The following RIMBP2 variants were observed in gnomAD, a reference collection of about 807,000 sequenced individuals.
The protein encoded by RIMBP2 is RIMS-binding protein 2.
RIMBP2 carries 48 observed loss-of-function variants against 118.6 expected under a neutral mutation model. The ratio of observed to expected loss-of-function variants is 0.40; its 90% CI spans 0.32 to 0.51. RIMBP2 has a LOEUF of 0.51. Among genes scored for constraint, RIMBP2 ranks in the 20% least tolerant of loss-of-function variants. The pLI is 0.41. For synonymous variants in RIMBP2, 762 were observed against 742.9 expected (o/e 1.03, Z -0.42); for missense variants, 1,551 against 1,768.3 (o/e 0.88, Z 2.20).
intron 2 of RIMBP2, among the ~76,000 whole-genome samples, chr12:130,543,207 C>T (rs1184583747): frequency 6.6e-6 from 1 of 152,206 alleles, no homozygotes; most frequent in Non-Finnish European, 1.5e-5. Context: ...CCCTTGTCAA[C>T]ATCAGCATTA....
At chr12:130,707,777 G>A (rs1341029734) in intron 1 of RIMBP2, among the ~76,000 whole-genome samples, 3 of 152,110 alleles carry the variant, frequency 2.0e-5, no homozygotes, top group African/African-American at 4.8e-5. Context: ...GGACCGAGGC[G>A]GCCCGAGCAA....
chr12:130,665,915 G>A (rs986959586), intron 1 of RIMBP2, among the ~76,000 whole-genome samples: 1 of 152,142 alleles, frequency 6.6e-6, no homozygotes, highest in Non-Finnish European at 1.5e-5. Flanking sequence ...GCTGGGGCAC[G>A]TATGGGGTGA....
At chr12:130,649,701 G>C (rs1391941301) in intron 1 of RIMBP2, among the ~76,000 whole-genome samples, 1 of 152,098 alleles carries the variant, frequency 6.6e-6, no homozygotes, top group Non-Finnish European at 1.5e-5. Context: ...CCCACTTTCA[G>C]CCCTGGAGAT....
At chr12:130,685,850 C>T (rs543732568) in intron 1 of RIMBP2, among the ~76,000 whole-genome samples, 12 of 152,314 alleles carry the variant, frequency 7.9e-5, no homozygotes, top group Middle Eastern at 3.4e-3. Flanking sequence ...ATGAGCTGAA[C>T]TGCGTGTCCG....
intron 2 of RIMBP2, among the ~76,000 whole-genome samples, chr12:130,579,566 C>T (rs2058323682): frequency 6.6e-6 from 1 of 152,138 alleles, no homozygotes. Context: ...CAGAGTAAAA[C>T]CCTCATAGCT....
intron 21 of RIMBP2, among the ~76,000 whole-genome samples, chr12:130,401,397 G>A (rs551248235): frequency 1.3e-5 from 2 of 152,190 alleles, no homozygotes; most frequent in African/African-American, 4.8e-5. Flanking sequence ...ATTACAGGCT[G>A]AGGCACTATA....
rs552457900 is a variant in RIMBP2 at position 130,668,254 on chromosome 12, T to C, written c.-351-39798A>G. The C allele has an allele frequency of 8.7e-4, 133 of 152,254 alleles. 1 individual carries two copies. The highest frequency in any genetic ancestry group is 3.0e-3 in the African/African-American group (126 of 41,540). The allele number at this position is 152,254 out of a possible 1,614,324, so 9.4% of individuals were successfully genotyped here. A position where few individuals can be genotyped will look rare whatever the true frequency, so the allele number is the denominator to read the frequency against. ...TGACGGTAAGAACACTCGATAACAT[T>C]TTAGTGCTTCCAACATACGGGGTCC... On this transcript the variant is annotated intron_variant, in intron 1 of 22. Coordinates refer to ENST00000690449, the MANE Select transcript of RIMBP2 (RefSeq NM_001393629.1).
chr12:130,400,632 CAT>C (rs1198923274), intron 21 of RIMBP2, among the ~76,000 whole-genome samples: 1 of 152,118 alleles, frequency 6.6e-6, no homozygotes, highest in East Asian at 1.9e-4. Flanking sequence ...TAGGAAATGA[CAT>C]AAAGAGCCTA....
chr12:130,637,291 C>A (rs1485530028), intron 1 of RIMBP2, among the ~76,000 whole-genome samples: 1 of 152,164 alleles, frequency 6.6e-6, no homozygotes, highest in African/African-American at 2.4e-5. Context: ...AATGGGAGGC[C>A]TCTGGGAGTA....
intron 4 of RIMBP2, among the ~76,000 whole-genome samples, chr12:130,484,092 C>T (rs1432647138): frequency 1.3e-5 from 2 of 152,200 alleles, no homozygotes; most frequent in Admixed American, 6.5e-5. Context: ...CAGAGTCTGC[C>T]GGCGACTGTC....
intron 1 of RIMBP2, among the ~76,000 whole-genome samples, chr12:130,664,031 T>TAA (rs113571415): frequency 6.6e-6 from 1 of 150,754 alleles, no homozygotes; most frequent in Non-Finnish European, 1.5e-5. Flanking sequence ...GGGTTTTTTT[T>TAA]AAAAAATCTA....
At chr12:130,704,205 C>A (rs1484772360) in intron 1 of RIMBP2, among the ~76,000 whole-genome samples, 1 of 152,012 alleles carries the variant, frequency 6.6e-6, no homozygotes, top group South Asian at 2.1e-4. Flanking sequence ...AGGGAGGGTG[C>A]TCTGTGGGCC....
At chr12:130,591,902 T>C (rs1220054039) in intron 2 of RIMBP2, among the ~76,000 whole-genome samples, 3 of 152,224 alleles carry the variant, frequency 2.0e-5, no homozygotes, top group African/African-American at 4.8e-5. Flanking sequence ...ACTGTGCATT[T>C]GCATCTTATC....
At chr12:130,714,844 G>A (rs1004846778) in intron 1 of RIMBP2, among the ~76,000 whole-genome samples, 1 of 152,212 alleles carries the variant, frequency 6.6e-6, no homozygotes, top group Admixed American at 6.5e-5. Flanking sequence ...CCCAGCGGGG[G>A]ATGAGTCTGA....
rs942163389 is a variant in RIMBP2, at chr12:130,469,723, C to T, written c.153+970G>A. On this transcript the variant is annotated intron_variant, in intron 6 of 22. Transcript: ENST00000690449. The surrounding 1 kb of genome is among the most constrained non-coding windows in gnomAD (Gnocchi z 4.8). ...GATGCACATAGCCCGTTTTAAGTGG[C>T]TGCTGCTCCCCCAGGGACACAGGAC... 1.3e-5 allele frequency among the ~76,000 whole-genome samples: 2 copies of T among 152,186 alleles called. No homozygotes were observed. The highest frequency in any genetic ancestry group is 4.8e-5 in the African/African-American group (2 of 41,440).
At chr12:130,592,898 G>A (rs1473612621) in intron 2 of RIMBP2, among the ~76,000 whole-genome samples, 3 of 152,250 alleles carry the variant, frequency 2.0e-5, no homozygotes, top group Middle Eastern at 3.4e-3. Context: ...CGGTGAGAGC[G>A]AGCGCGGCTT....
intron 1 of RIMBP2, among the ~76,000 whole-genome samples, chr12:130,671,783 G>T (rs1036546447): frequency 7.3e-6 from 1 of 137,140 alleles, no homozygotes; most frequent in African/African-American, 2.8e-5. Context: ...AAAATCATCC[G>T]GTTGAGAACC....
intron 1 of RIMBP2, among the ~76,000 whole-genome samples, chr12:130,700,052 A>G (rs1352248256): frequency 6.6e-6 from 1 of 152,144 alleles, no homozygotes; most frequent in Non-Finnish European, 1.5e-5. Flanking sequence ...CTCAGCCCAC[A>G]GATGCCCATC....
chr12:130,695,061 T>C (rs1240578168), intron 1 of RIMBP2, among the ~76,000 whole-genome samples: 1 of 152,192 alleles, frequency 6.6e-6, no homozygotes. Context: ...TATCTGCCCT[T>C]CCACTAGGCT....
Sources: allele counts gnomAD v4.1 joint callset (sites outside exome capture counted in the v4.1 genomes callset), GRCh38; gene constraint gnomAD v4.1.1; non-coding constraint Gnocchi (gnomAD v3.1); transcripts MANE v1.5; gene names NCBI Gene and HGNC (gene_info 2026-07-23, HGNC 2026-07-21).